The following KCTD16 variants were observed in gnomAD, a reference collection of about 807,000 sequenced individuals.
KCTD16 encodes the protein BTB/POZ domain-containing protein KCTD16.
A neutral mutation model predicts 33.2 loss-of-function variants in KCTD16; 13 were observed. That is an observed-to-expected ratio of 0.39 (90% CI 0.25 to 0.62). KCTD16 has a LOEUF of 0.62. Ranked by LOEUF, KCTD16 falls within the 20% of genes least tolerant of loss-of-function variation. The probability of loss-of-function intolerance (pLI) is 0.50; values close to 1 mark genes in which losing one functional copy is unlikely to be tolerated. For synonymous variants in KCTD16, 197 were observed against 195.3 expected (o/e 1.01, Z -0.07); for missense variants, 441 against 525.1 (o/e 0.84, Z 1.57).
chr5:144,173,587 G>T (rs1250083940), intron 1 of KCTD16, among the ~76,000 whole-genome samples: 1 of 152,116 alleles, frequency 6.6e-6, no homozygotes, highest in African/African-American at 2.4e-5. Flanking sequence ...GTTTATCTAT[G>T]TAACAAACCT....
At chr5:144,251,478 T>A (rs1312747423) in intron 3 of KCTD16, among the ~76,000 whole-genome samples, 1 of 152,198 alleles carries the variant, frequency 6.6e-6, no homozygotes, top group Non-Finnish European at 1.5e-5. Flanking sequence ...ACTATTATTA[T>A]CTGAACAGAA....
At chr5:144,277,539 G>GTA (rs1305200103) in intron 3 of KCTD16, among the ~76,000 whole-genome samples, 1 of 152,192 alleles carries the variant, frequency 6.6e-6, no homozygotes, top group Admixed American at 6.5e-5. Flanking sequence ...CAAAGAGATG[G>GTA]TATATCCTGC....
At chr5:144,189,136 A>T (rs1752787574) in intron 2 of KCTD16, among the ~76,000 whole-genome samples, 1 of 152,234 alleles carries the variant, frequency 6.6e-6, no homozygotes, top group Non-Finnish European at 1.5e-5. Flanking sequence ...TTCTGAAAGT[A>T]TTTAACGCAC....
chr5:144,385,007 C>T (rs1752293715), intron 3 of KCTD16, among the ~76,000 whole-genome samples: 2 of 152,160 alleles, frequency 1.3e-5, no homozygotes, highest in Non-Finnish European at 2.9e-5. Flanking sequence ...GGAAGTCTGA[C>T]ATTCAAATAA....
chr5:144,235,390 C>G lies in KCTD16; in HGVS notation c.832+27844C>G, dbSNP rs145977426. On this transcript the variant is annotated intron_variant, in intron 3 of 3. Transcript: ENST00000512467. ...GGAGTTTGAATGAGTTTGCTGAGCT[C>G]TTGTCTCCATGGTTTGCATTTACTC... Among the ~76,000 whole-genome samples, 29 of 152,204 alleles carry G rather than the reference C, an allele frequency of 1.9e-4. No individual in the cohort carries two copies. In the East Asian group the frequency reaches 4.6e-3, roughly 24 times the overall value.
rs959957026 is a variant in KCTD16, at chr5:144,290,817, T to C, written c.832+83271T>C. Among the ~76,000 whole-genome samples the C allele has an allele frequency of 4.6e-5, 7 of 152,230 alleles. 1 individual carries two copies. The highest frequency in any genetic ancestry group is 3.3e-4 in the Admixed American group (5 of 15,286). On this transcript the variant is annotated intron_variant, in intron 3 of 3. Transcript: ENST00000512467. ...CACATTTGGATCATTCCATGCAGCATCCCTTGAACTCTGACTTCATGAGAA... is the reference window on the plus strand; with the variant it reads ...CACATTTGGATCATTCCATGCAGCACCCCTTGAACTCTGACTTCATGAGAA...
At chr5:144,322,074 T>C (rs1480312558) in intron 3 of KCTD16, among the ~76,000 whole-genome samples, 1 of 152,186 alleles carries the variant, frequency 6.6e-6, no homozygotes, top group African/African-American at 2.4e-5. Context: ...TGAAATTACA[T>C]CACATGATTG....
chr5:144,205,636 C>T (rs1753147462), intron 2 of KCTD16: 1 of 398,504 alleles, frequency 2.5e-6, no homozygotes, highest in Admixed American at 4.4e-5. Flanking sequence ...AGTCCTGGTA[C>T]CTCTTGCAAC....
chr5:144,468,686 A>G (rs1341401895), intron 3 of KCTD16, among the ~76,000 whole-genome samples: 6 of 152,172 alleles, frequency 3.9e-5, no homozygotes, highest in Non-Finnish European at 5.9e-5. Flanking sequence ...AGCCTCGATA[A>G]ATTAAATCTG....
chr5:144,464,905 T>G (rs1051704030), intron 3 of KCTD16, among the ~76,000 whole-genome samples: 5 of 152,188 alleles, frequency 3.3e-5, no homozygotes, highest in Non-Finnish European at 1.5e-5. Context: ...CTGAGATTTA[T>G]TCTTCTCCCA....
chr5:144,435,226 G>C (rs1356228865), intron 3 of KCTD16, among the ~76,000 whole-genome samples: 1 of 152,110 alleles, frequency 6.6e-6, no homozygotes, highest in Non-Finnish European at 1.5e-5. Flanking sequence ...CCTTAGCTAG[G>C]GCGTTTTACC....
Position 144,479,365 on chromosome 5 carries a change from C to CAAAAAAAAAAAAAAAAAAAAAAAAAA in KCTD16, c.*5267_*5268insAAAAAAAAAAAAAAAAAAAAAAAAAA, listed in dbSNP as rs368957124. Reference sequence around the variant, plus strand: ...CCAAACTGATGTGTAAGAATAAATGCAAAAAAAAAAAAAAAAGAAAAAGAA... The same window carrying CAAAAAAAAAAAAAAAAAAAAAAAAAA: ...CCAAACTGATGTGTAAGAATAAATGCAAAAAAAAAAAAAAAAAAAAAAAAAAAAAAAAAAAAAAAAAAGAAAAAGAA... On this transcript the variant is annotated 3_prime_UTR_variant, in exon 4 of 4. Coordinates refer to ENST00000512467, the MANE Select transcript of KCTD16 (RefSeq NM_020768.4). 2.2e-5 allele frequency: 2 copies of CAAAAAAAAAAAAAAAAAAAAAAAAAA among 92,482 alleles called. No individual in the cohort carries two copies. The highest frequency in any genetic ancestry group is 4.4e-4 in the East Asian group (1 of 2,262). The allele number at this position is 92,482 out of a possible 1,614,324, so 5.7% of individuals were successfully genotyped here. A position where few individuals can be genotyped will look rare whatever the true frequency, so the allele number is the denominator to read the frequency against.
At chr5:144,264,411 G>A (rs1250690428) in intron 3 of KCTD16, among the ~76,000 whole-genome samples, 4 of 152,046 alleles carry the variant, frequency 2.6e-5, no homozygotes, top group African/African-American at 9.7e-5. Flanking sequence ...ATGTAAATTT[G>A]GATTTACATA....
intron 3 of KCTD16, among the ~76,000 whole-genome samples, chr5:144,433,601 C>T (rs1345938361): frequency 2.0e-5 from 3 of 152,116 alleles, no homozygotes; most frequent in Non-Finnish European, 2.9e-5. Flanking sequence ...TGACCTCTGG[C>T]ATTATCACCT....
At chr5:144,367,368 G>C (rs1275822390) in intron 3 of KCTD16, among the ~76,000 whole-genome samples, 1 of 152,088 alleles carries the variant, frequency 6.6e-6, no homozygotes, top group East Asian at 1.9e-4. Context: ...TCTCATTCTT[G>C]GTTCCAGTTT....
chr5:144,195,781 G>A (rs1752928889), intron 2 of KCTD16, among the ~76,000 whole-genome samples: 1 of 152,208 alleles, frequency 6.6e-6, no homozygotes. Context: ...GTATAGTAAT[G>A]CAAAGTGGCA....
intron 3 of KCTD16, among the ~76,000 whole-genome samples, chr5:144,215,186 C>T (rs577618147): frequency 1.3e-5 from 2 of 152,310 alleles, no homozygotes; most frequent in East Asian, 3.9e-4. Flanking sequence ...AAGATTCTAG[C>T]TCTAGGGAAC....
intron 3 of KCTD16, among the ~76,000 whole-genome samples, chr5:144,397,619 T>C (rs535127838): frequency 9.8e-5 from 15 of 152,322 alleles, no homozygotes; most frequent in African/African-American, 3.6e-4. Flanking sequence ...TGATTGTCAT[T>C]CTAACCTGTG....
chr5:144,209,294 C>T (rs1014548018), intron 3 of KCTD16, among the ~76,000 whole-genome samples: 2 of 152,194 alleles, frequency 1.3e-5, no homozygotes, highest in African/African-American at 4.8e-5. Flanking sequence ...TTTCTGTGTT[C>T]ATCAAAGGCT....
Sources: allele counts gnomAD v4.1 joint callset (sites outside exome capture counted in the v4.1 genomes callset), GRCh38; gene constraint gnomAD v4.1.1; transcripts MANE v1.5; gene names NCBI Gene and HGNC (gene_info 2026-07-23, HGNC 2026-07-21).